Variants in SIN3A observed in about 807,000 individuals in gnomAD.
The protein encoded by SIN3A is SIN3 transcription regulator family member A.
Under a neutral mutation model 146.1 loss-of-function variants are expected in SIN3A, and 14 were observed. The observed-to-expected ratio is 0.10, with a 90% CI of 0.06 to 0.15. The LOEUF is 0.15. Among genes scored for constraint, SIN3A ranks in the 10% least tolerant of loss-of-function variants. SIN3A has a pLI of 1.00. For synonymous variants in SIN3A, 572 were observed against 572.0 expected (o/e 1.00, Z 0.00); for missense variants, 1,028 against 1,576.0 (o/e 0.65, Z 5.89).
chr15:75,395,010 C>T (rs933736092), intron 13 of SIN3A, 147 bp from the exon 14 acceptor site: 13 of 647,460 alleles, frequency 2.0e-5, no homozygotes, highest in South Asian at 4.3e-5. Flanking sequence ...TGCTATCAAA[C>T]CAGTCTTGAA....
intron 14 of SIN3A, 102 bp downstream of exon 14, chr15:75,394,578 T>TA (rs2073268665): frequency 1.1e-6 from 1 of 910,880 alleles, no homozygotes; most frequent in Non-Finnish European, 1.7e-6. Context: ...CAACAGGTCT[T>TA]AGAGAGTCTC....
In SIN3A at chr15:75,371,138, G is replaced by C. The variant is rs2141354067; in HGVS notation, c.*841C>G. Reference sequence around the variant, plus strand: ...ACAAGAAGCTAGAGCAGTTATGCTAGCACATCAAAGCATATTTCTTTTAAT... The same window carrying C: ...ACAAGAAGCTAGAGCAGTTATGCTACCACATCAAAGCATATTTCTTTTAAT... On this transcript the variant is annotated 3_prime_UTR_variant, in exon 21 of 21. Coordinates refer to ENST00000394947, the MANE Select transcript of SIN3A (RefSeq NM_001145358.2). 6.5e-6 allele frequency: 1 copy of C among 152,682 alleles called. No homozygotes were observed. The highest frequency in any genetic ancestry group is 3.4e-3 in the Middle Eastern group (1 of 292). The allele number at this position is 152,682 out of a possible 1,614,324, so 9.5% of individuals were successfully genotyped here.
chr15:75,404,667 G>A (rs755628000), intron 9 of SIN3A, among the ~76,000 whole-genome samples: 3 of 151,962 alleles, frequency 2.0e-5, no homozygotes, highest in Non-Finnish European at 4.4e-5. Context: ...GGCTGAGGCA[G>A]GAGGATTGCG....
At chr15:75,379,639 G>A (rs759481697) in intron 19 of SIN3A, among the ~76,000 whole-genome samples, 12 of 152,074 alleles carry the variant, frequency 7.9e-5, no homozygotes, top group Non-Finnish European at 1.2e-4. Flanking sequence ...CCTTTTTGCT[G>A]GTATCTCTTT....
intron 3 of SIN3A, among the ~76,000 whole-genome samples, chr15:75,417,190 G>A (rs1452682735): frequency 6.6e-6 from 1 of 152,118 alleles, no homozygotes; most frequent in African/African-American, 2.4e-5. Flanking sequence ...GAAAGGCTAA[G>A]CTATGAGTCT....
At position 75,394,874 on chromosome 15, in the gene SIN3A, G is replaced by A. The variant is rs777268673; in HGVS notation, c.2094-11C>T. 9.0e-5 allele frequency: 145 copies of A among 1,609,320 alleles called. No individual in the cohort carries two copies. The highest frequency in any genetic ancestry group is 1.1e-4 in the Non-Finnish European group (134 of 1,177,580). ...TCTTTCATCTTCAACCTAGTGAAGC[G>A]GGAAGGGATGGAAACAACACATGGG... On this transcript the variant is annotated splice_polypyrimidine_tract_variant and intron_variant, in intron 13 of 20. Coordinates refer to ENST00000394947, the MANE Select transcript of SIN3A (RefSeq NM_001145358.2).
At chr15:75,438,630 A>T (rs746357779) in intron 1 of SIN3A, among the ~76,000 whole-genome samples, 2 of 152,042 alleles carry the variant, frequency 1.3e-5, no homozygotes, top group Non-Finnish European at 2.9e-5. Context: ...TTGAGGCTAC[A>T]GTGAGCTGTG....
chr15:75,394,966 T>C, intron 13 of SIN3A, 103 bp from the exon 14 acceptor site: 1 of 1,063,280 alleles, frequency 9.4e-7, no homozygotes, highest in Non-Finnish European at 1.3e-6. Flanking sequence ...TGCAAAGCTA[T>C]ATTAGGTCTC....
chr15:75,452,483 T>C (rs1320637320), upstream of SIN3A, among the ~76,000 whole-genome samples: 1 of 152,224 alleles, frequency 6.6e-6, no homozygotes, highest in East Asian at 1.9e-4. Context: ...CAGTTATCTT[T>C]ACAGTTTACA....
Position 75,389,681 on chromosome 15 carries a change from C to A in SIN3A, c.2992G>T (p.Asp998Tyr). The A allele has an allele frequency of 6.2e-7, 1 of 1,614,148 alleles. No homozygotes were observed. Among genetic ancestry groups the A allele is most frequent in the Non-Finnish European group, 8.5e-7 (1 of 1,180,020 alleles). Residue 998 changes from aspartate to tyrosine, a missense_variant, in exon 16 of 21, where the codon GAC (aspartate) becomes TAC (tyrosine). Coordinates refer to ENST00000394947, the MANE Select transcript of SIN3A (RefSeq NM_001145358.2). ...CTGACAATGCTCTGGATCAGTTTGT[C>A]CATGGTAAAGGCAATGTAGGCATGA... ...TIHAYIAFTM[D>Y]KLIQSIVRQL...
chr15:75,427,679 A>AATAC (rs2073948881), intron 2 of SIN3A, among the ~76,000 whole-genome samples: 1 of 151,274 alleles, frequency 6.6e-6, no homozygotes, highest in African/African-American at 2.4e-5. Flanking sequence ...TAAATAAATA[A>AATAC]ATAAAATAGG....
upstream of SIN3A, chr15:75,455,758 G>C (rs939537058): frequency 6.6e-6 from 1 of 152,196 alleles, no homozygotes; most frequent in Non-Finnish European, 1.5e-5. Context: ...AGATTGGGGG[G>C]ACCAAATTAA....
At position 75,418,754 on chromosome 15, in the gene SIN3A, TTTTG is replaced by T. The variant is rs552989787; in HGVS notation, c.366+3889_366+3892del. ...AATGGATTGAGACAAATGGCCGCTT[TTTTG>T]TTTTTGTTTTTTTTGAGACAGAGTC... On this transcript the variant is annotated intron_variant, in intron 3 of 20. Transcript: ENST00000394947. Among the ~76,000 whole-genome samples the T allele has an allele frequency of 1.8e-4, 27 of 151,912 alleles. No homozygotes were observed. In the South Asian group the frequency reaches 4.6e-3, roughly 26 times the overall value.
intron 12 of SIN3A, 56 bp downstream of exon 12, chr15:75,399,984 A>G: frequency 2.2e-6 from 2 of 925,398 alleles, no homozygotes; most frequent in Non-Finnish European, 3.6e-6. Flanking sequence ...AGGTACTGAT[A>G]GTCTCACTGA....
At chr15:75,445,197 G>A (rs1406729735) in intron 1 of SIN3A, among the ~76,000 whole-genome samples, 2 of 151,288 alleles carry the variant, frequency 1.3e-5, no homozygotes, top group East Asian at 2.0e-4. Context: ...GCTGGTCAAC[G>A]TGGTAAAACC....
At chr15:75,428,616 C>A (rs973095568) in intron 2 of SIN3A, among the ~76,000 whole-genome samples, 2 of 152,204 alleles carry the variant, frequency 1.3e-5, no homozygotes, top group African/African-American at 4.8e-5. Context: ...CCTCTCACCT[C>A]AGCCTCCCAA....
At chr15:75,442,539 G>A (rs2074234649) in intron 1 of SIN3A, among the ~76,000 whole-genome samples, 1 of 150,842 alleles carries the variant, frequency 6.6e-6, no homozygotes, top group Non-Finnish European at 1.5e-5. Context: ...GTTACTTGGG[G>A]GAACTGAAGC....
chr15:75,427,595 G>C (rs1463802048), intron 2 of SIN3A, among the ~76,000 whole-genome samples: 1 of 152,044 alleles, frequency 6.6e-6, no homozygotes, highest in East Asian at 1.9e-4. Context: ...AGAAGGCAGA[G>C]GCTGCACTGA....
Position 75,400,826 on chromosome 15 carries a change from A to G in SIN3A, c.1641T>C (p.Asp547=). The change falls in exon 11 of 21, where the codon GAT becomes GAC. Residue 547 remains aspartate, a synonymous_variant. Transcript: ENST00000394947. ...RATEGIAMEI[D]YASCKRLGSS... ...AGCCCAATCGTTTACAAGAAGCATAATCTATCTCCATAGCAATGCCCTCTG... is the reference window on the plus strand; with the variant it reads ...AGCCCAATCGTTTACAAGAAGCATAGTCTATCTCCATAGCAATGCCCTCTG... The G allele has an allele frequency of 6.2e-7, 1 of 1,614,118 alleles. No individual in the cohort carries two copies. Among genetic ancestry groups the G allele is most frequent in the Non-Finnish European group, 8.5e-7 (1 of 1,180,020 alleles).
Sources: gnomAD v4.1 joint callset for allele counts (sites outside exome capture counted in the v4.1 genomes callset) on GRCh38, gnomAD v4.1.1 for gene constraint, MANE v1.5 for transcripts, NCBI Gene and HGNC (gene_info 2026-07-23, HGNC 2026-07-21) for gene names.